MTA3: variants seen among roughly 807,000 people sequenced by gnomAD.
The protein encoded by MTA3 is metastasis associated 1 family member 3.
A neutral mutation model predicts 83.5 loss-of-function variants in MTA3; 34 were observed. That is an observed-to-expected ratio of 0.41 (90% CI 0.31 to 0.54). The LOEUF (loss-of-function observed/expected upper bound fraction) is 0.54. MTA3 is among the 20% of genes least tolerant of loss of function. MTA3 has a pLI of 0.33. For synonymous variants in MTA3, 303 were observed against 252.7 expected (o/e 1.20, Z -1.89); for missense variants, 761 against 726.4 (o/e 1.05, Z -0.55).
intron 3 of MTA3, among the ~76,000 whole-genome samples, chr2:42,605,206 C>CG (rs1273504079): frequency 1.0e-4 from 10 of 97,400 alleles, no homozygotes; most frequent in Admixed American, 4.1e-4. Context: ...GCTGGCCGGG[C>CG]GGGGGGGCTG....
chr2:42,506,011 C>T (rs1393069409), intron 2 of MTA3, among the ~76,000 whole-genome samples: 3 of 151,992 alleles, frequency 2.0e-5, no homozygotes, highest in East Asian at 1.9e-4. Flanking sequence ...ATGATCTGCC[C>T]GCCCCGGCCT....
chr2:42,672,645 C>CAAAAAA (rs5830734), intron 8 of MTA3, among the ~76,000 whole-genome samples: 3 of 51,564 alleles, frequency 5.8e-5, no homozygotes, highest in Non-Finnish European at 9.4e-5. Context: ...ATTCCATCTC[C>CAAAAAA]AAAAAAAAAA....
intron 2 of MTA3, among the ~76,000 whole-genome samples, chr2:42,524,317 T>C (rs1675568791): frequency 6.6e-6 from 1 of 151,752 alleles, no homozygotes; most frequent in African/African-American, 2.4e-5. Flanking sequence ...TTTTTTTTTT[T>C]TTAAATGGAG....
Position 42,501,775 on chromosome 2 carries a change from T to G in MTA3, c.-141+6521T>G, listed in dbSNP as rs142521397. On this transcript the variant is annotated intron_variant, in intron 2 of 17. Coordinates refer to the MTA3 transcript ENST00000405592. ...TGTGGATCACTTGCGGTCAGGAGTTTGAGACCAGCCTGGGCAACATGGTGA... is the reference window on the plus strand; with the variant it reads ...TGTGGATCACTTGCGGTCAGGAGTTGGAGACCAGCCTGGGCAACATGGTGA... 5.3e-4 allele frequency among the ~76,000 whole-genome samples: 81 copies of G among 152,120 alleles called. 1 individual carries two copies. In the East Asian group the frequency reaches 0.015, roughly 28 times the overall value.
intron 2 of MTA3, among the ~76,000 whole-genome samples, chr2:42,510,669 A>C (rs948078285): frequency 3.9e-5 from 6 of 152,162 alleles, no homozygotes; most frequent in Non-Finnish European, 5.9e-5. Flanking sequence ...AAAAATGTAG[A>C]GGGCTGTTGC....
chr2:42,552,849 C>G (rs1572970753), intron 2 of MTA3, among the ~76,000 whole-genome samples: 1 of 151,700 alleles, frequency 6.6e-6, no homozygotes, highest in African/African-American at 2.4e-5. Context: ...ACTCGGGAGG[C>G]TGAGGCAGGA....
At chr2:42,609,254 C>T (rs1005616767) in intron 3 of MTA3, among the ~76,000 whole-genome samples, 2 of 152,094 alleles carry the variant, frequency 1.3e-5, no homozygotes, top group Non-Finnish European at 2.9e-5. Flanking sequence ...TGGTCTCAAA[C>T]ACCTGACCTC....
chr2:42,721,529 A>C (rs961635304), intron 15 of MTA3, among the ~76,000 whole-genome samples: 1 of 151,896 alleles, frequency 6.6e-6, no homozygotes, highest in African/African-American at 2.4e-5. Flanking sequence ...GGGTTTCACC[A>C]TGTTGCTCAG....
At chr2:42,575,880 C>T (rs1464635127) in intron 2 of MTA3, among the ~76,000 whole-genome samples, 1 of 152,148 alleles carries the variant, frequency 6.6e-6, no homozygotes, top group Admixed American at 6.6e-5. Flanking sequence ...TCACCTCCTC[C>T]CTCCGCCTAC....
intron 8 of MTA3, among the ~76,000 whole-genome samples, chr2:42,678,181 G>A (rs1425480827): frequency 6.6e-6 from 1 of 151,756 alleles, no homozygotes; most frequent in Admixed American, 6.6e-5. Flanking sequence ...AAGAGTGAGA[G>A]GAAATTCACT....
At position 42,731,052 on chromosome 2, in the gene MTA3, G is replaced by A. The variant is rs574212521; in HGVS notation, c.1759+8017G>A. On this transcript the variant is annotated intron_variant, in intron 16 of 16. Transcript: ENST00000405094. ...GAATTTCTGTGATATCAGTTGTAAC[G>A]TCTCCTTTTTCATCTCTGATTTTAT... Among the ~76,000 whole-genome samples, 16 of 152,114 alleles carry A rather than the reference G, an allele frequency of 1.1e-4. No homozygotes were observed. The South Asian group carries it at 2.3e-3, about 22-fold the overall frequency.
rs1665859353 is a variant in MTA3, at chr2:42,704,141, T to C, written c.1026-53T>C. 9 of 1,570,328 alleles carry C rather than the reference T, an allele frequency of 5.7e-6. No homozygotes were observed. The South Asian group carries it at 1.0e-4, about 18-fold the overall frequency. Reference sequence around the variant, plus strand: ...GGTAAATCAGTAATGATATAGAGCTTTTTGCCTTATTGTACAAATCATTTT... The same window carrying C: ...GGTAAATCAGTAATGATATAGAGCTCTTTGCCTTATTGTACAAATCATTTT... On this transcript the variant is annotated intron_variant, in intron 11 of 16. Transcript: ENST00000405094.
chr2:42,739,065 T>C (rs1668825524), intron 16 of MTA3, among the ~76,000 whole-genome samples: 1 of 152,196 alleles, frequency 6.6e-6, no homozygotes, highest in Admixed American at 6.6e-5. Flanking sequence ...ATTACCCTGT[T>C]AAGTACTTGA....
intron 9 of MTA3, among the ~76,000 whole-genome samples, chr2:42,686,122 C>G (rs574994473): frequency 2.0e-4 from 31 of 152,270 alleles, no homozygotes; most frequent in African/African-American, 7.2e-4. Flanking sequence ...TTTCATCCCA[C>G]TACCCAAAAG....
chr2:42,542,657 T>A (rs1288961017), intron 2 of MTA3, among the ~76,000 whole-genome samples: 1 of 151,996 alleles, frequency 6.6e-6, no homozygotes, highest in Non-Finnish European at 1.5e-5. Context: ...GTTCAAGCAA[T>A]CCTCCCACCT....
At chr2:42,612,808 C>G (rs1288365892) in intron 4 of MTA3, among the ~76,000 whole-genome samples, 1 of 152,034 alleles carries the variant, frequency 6.6e-6, no homozygotes, top group African/African-American at 2.4e-5. Context: ...TTGCAGTGAG[C>G]CAAGATCGCA....
chr2:42,508,761 A>ATT (rs201327780), intron 2 of MTA3, among the ~76,000 whole-genome samples: 2,117 of 147,112 alleles, frequency 0.014, 37 homozygotes, highest in African/African-American at 0.049. Flanking sequence ...TATATTATAT[A>ATT]GTATTATATA....
At chr2:42,661,998 A>G (rs1414825823) in intron 8 of MTA3, among the ~76,000 whole-genome samples, 2 of 152,062 alleles carry the variant, frequency 1.3e-5, no homozygotes, top group Non-Finnish European at 2.9e-5. Context: ...TTATAGTTGT[A>G]TTATTTATTA....
intron 8 of MTA3, among the ~76,000 whole-genome samples, chr2:42,660,819 A>G (rs1689624536): frequency 6.6e-6 from 1 of 152,220 alleles, no homozygotes; most frequent in Non-Finnish European, 1.5e-5. Context: ...TATTTTGATA[A>G]TGTAAGAACT....
Sources: gnomAD v4.1 joint callset for allele counts (sites outside exome capture counted in the v4.1 genomes callset) on GRCh38, gnomAD v4.1.1 for gene constraint, MANE v1.5 for transcripts, NCBI Gene and HGNC (gene_info 2026-07-23, HGNC 2026-07-21) for gene names.